The following RBMS2 variants were observed in gnomAD, a reference collection of about 807,000 sequenced individuals.
RBMS2 encodes RNA binding motif single stranded interacting protein 2, also known as RNA-binding motif, single-stranded-interacting protein 2.
A neutral mutation model predicts 58.4 loss-of-function variants in RBMS2; 38 were observed. The ratio of observed to expected loss-of-function variants is 0.65; its 90% CI spans 0.50 to 0.85. RBMS2 has a LOEUF of 0.85. RBMS2 is among the 40% of genes least tolerant of loss of function. The pLI is 0.00. For missense variants in RBMS2, 367 were observed against 503.7 expected, an observed-to-expected ratio of 0.73 and a Z score of 2.60; for synonymous variants, 151 against 180.7, an observed-to-expected ratio of 0.84 and a Z score of 1.32.
chr12:56,576,770 G>A (rs899654439), intron 5 of RBMS2, among the ~76,000 whole-genome samples: 1 of 152,084 alleles, frequency 6.6e-6, no homozygotes, highest in African/African-American at 2.4e-5. Flanking sequence ...CAGGCATGGT[G>A]GCTCATGCCT....
At chr12:56,552,398 A>T (rs1398909661) in intron 1 of RBMS2, among the ~76,000 whole-genome samples, 1 of 152,178 alleles carries the variant, frequency 6.6e-6, no homozygotes, top group Non-Finnish European at 1.5e-5. Context: ...AGCAGATTTA[A>T]GGTTAGTTGG....
chr12:56,582,912 C>T lies in RBMS2; in HGVS notation c.873+760C>T, dbSNP rs191159662. Among the ~76,000 whole-genome samples the T allele has an allele frequency of 1.2e-3, 185 of 152,080 alleles. 1 individual carries two copies. Among genetic ancestry groups the T allele is most frequent in the African/African-American group, 4.1e-3 (172 of 41,474 alleles). The stretch of plus-strand genomic sequence containing the variant: ...CTCAAACTCCTGACCTCAGGTGATC[C>T]GCCCGCCTCGGCCTCCCAAAGTGCT... On this transcript the variant is annotated intron_variant, in intron 9 of 13. Coordinates refer to ENST00000262031, the MANE Select transcript of RBMS2 (RefSeq NM_002898.4).
At chr12:56,588,825 G>T in intron 12 of RBMS2, 107 bp from the exon 13 acceptor site, 3 of 962,016 alleles carry the variant, frequency 3.1e-6, no homozygotes, top group South Asian at 2.8e-5. Context: ...TGGAGAGTGG[G>T]TAGGTTTGGG....
At chr12:56,573,017 ATTTAT>A (rs1592465951) in intron 5 of RBMS2, 21 of 958,328 alleles carry the variant, frequency 2.2e-5, no homozygotes, top group Non-Finnish European at 2.6e-5. Context: ...CTCTGCTTTT[ATTTAT>A]TTTAAGATTT....
chr12:56,570,299 C>G (rs1882072233), intron 4 of RBMS2, among the ~76,000 whole-genome samples: 1 of 152,186 alleles, frequency 6.6e-6, no homozygotes, highest in Admixed American at 6.5e-5. Context: ...GCCCCACTTC[C>G]CTACCAGACA....
intron 1 of RBMS2, among the ~76,000 whole-genome samples, chr12:56,559,923 C>T (rs1234671168): frequency 1.4e-5 from 2 of 141,886 alleles, no homozygotes; most frequent in African/African-American, 2.7e-5. Context: ...GAGACGGAGT[C>T]GCCCTCTGTC....
At chr12:56,569,195 C>G (rs1273552305) in intron 3 of RBMS2, among the ~76,000 whole-genome samples, 162 bp downstream of exon 3, 1 of 152,142 alleles carries the variant, frequency 6.6e-6, no homozygotes, top group African/African-American at 2.4e-5. Context: ...CTTTGGTGAC[C>G]AGATAGCTAG....
chr12:56,571,415 C>T (rs1355953016), intron 4 of RBMS2, among the ~76,000 whole-genome samples: 3 of 152,058 alleles, frequency 2.0e-5, no homozygotes, highest in Admixed American at 6.6e-5. Flanking sequence ...TGGGGGAGAG[C>T]GGGAATGCTG....
Position 56,596,002 on chromosome 12 carries a change from A to C in RBMS2, c.*6869A>C, listed in dbSNP as rs1159382005. ...TCTACAGCTGCACTTGTGGAACATC[A>C]CATGGCAAAAACAGGAGTTTTTTCG... On this transcript the variant is annotated 3_prime_UTR_variant, in exon 14 of 14. Coordinates refer to ENST00000262031, the MANE Select transcript of RBMS2 (RefSeq NM_002898.4). 4.6e-5 allele frequency: 7 copies of C among 152,708 alleles called. No individual in the cohort carries two copies. The highest frequency in any genetic ancestry group is 1.0e-4 in the Non-Finnish European group (7 of 68,056). The allele number at this position is 152,708 out of a possible 1,614,324, so 9.5% of individuals were successfully genotyped here.
chr12:56,555,071 T>TC (rs1322321064), intron 1 of RBMS2, among the ~76,000 whole-genome samples: 2 of 17,630 alleles, frequency 1.1e-4, no homozygotes, highest in Admixed American at 2.2e-3. Flanking sequence ...TATATACACT[T>TC]TAAAAAAAAA....
At chr12:56,574,954 C>A (rs1342657176) in intron 5 of RBMS2, among the ~76,000 whole-genome samples, 1 of 151,938 alleles carries the variant, frequency 6.6e-6, no homozygotes, top group Non-Finnish European at 1.5e-5. Context: ...CGAGATCATC[C>A]TGGCTAACAT....
intron 1 of RBMS2, among the ~76,000 whole-genome samples, chr12:56,535,494 C>CAA (rs59905092): frequency 0.14 from 14,036 of 97,372 alleles, 1,145 homozygotes; most frequent in Middle Eastern, 0.23. Flanking sequence ...GACTCCATCT[C>CAA]AAAAAAAAAA....
At chr12:56,539,695 C>A in intron 1 of RBMS2, 1 of 452,094 alleles carries the variant, frequency 2.2e-6, no homozygotes, top group Non-Finnish European at 4.4e-6. Context: ...GATGGAGTTT[C>A]GTTCGCTCTT....
rs1390117559 is a variant in RBMS2 at position 56,581,486 on chromosome 12, C to T, written c.710C>T (p.Ala237Val). The T allele has an allele frequency of 1.2e-6, 2 of 1,614,050 alleles. No individual in the cohort carries two copies. The highest frequency in any genetic ancestry group is 3.3e-5 in the Admixed American group (2 of 59,988). Residue 237 changes from alanine to valine, a missense_variant, in exon 7 of 14, where the codon GCT becomes GTT. Coordinates refer to ENST00000262031, the MANE Select transcript of RBMS2 (RefSeq NM_002898.4). The stretch of plus-strand genomic sequence containing the variant: ...GGAAAATTTGTGCAAAATGGACGGG[C>T]TTGGCCAAGGAATGCAGACATGGTA... ...NQGKFVQNGRAWPRNADMGVM... is the reference protein window; with the variant it reads ...NQGKFVQNGRVWPRNADMGVM...
At chr12:56,574,984 T>C (rs1030312110) in intron 5 of RBMS2, among the ~76,000 whole-genome samples, 3 of 150,068 alleles carry the variant, frequency 2.0e-5, no homozygotes. Flanking sequence ...CCATCTCTAC[T>C]AAAAATACAA....
chr12:56,576,070 G>T (rs1013452702), intron 5 of RBMS2, among the ~76,000 whole-genome samples: 57 of 152,090 alleles, frequency 3.7e-4, no homozygotes, highest in African/African-American at 1.4e-3. Flanking sequence ...GGGCTCGGTG[G>T]CTCATGTCTG....
intron 1 of RBMS2, among the ~76,000 whole-genome samples, chr12:56,557,227 A>G (rs1879392961): frequency 6.6e-6 from 1 of 152,096 alleles, no homozygotes; most frequent in Admixed American, 6.6e-5. Context: ...CATACGTATT[A>G]CCCTTTTCTC....
At chr12:56,575,979 T>C (rs1883074782) in intron 5 of RBMS2, among the ~76,000 whole-genome samples, 2 of 151,918 alleles carry the variant, frequency 1.3e-5, no homozygotes, top group Non-Finnish European at 2.9e-5. Context: ...CAACTGAAAA[T>C]ATTAAATGGA....
chr12:56,575,577 A>G (rs1054701014), intron 5 of RBMS2, among the ~76,000 whole-genome samples: 2 of 151,128 alleles, frequency 1.3e-5, no homozygotes, highest in African/African-American at 4.9e-5. Context: ...TCAAAAAAAA[A>G]GGGCTATTTT....
Sources: gnomAD v4.1 joint callset for allele counts (sites outside exome capture counted in the v4.1 genomes callset) on GRCh38, gnomAD v4.1.1 for gene constraint, MANE v1.5 for transcripts, NCBI Gene and HGNC (gene_info 2026-07-23, HGNC 2026-07-21) for gene names.